Variants in AGAP1 observed in about 807,000 individuals in gnomAD.
AGAP1 encodes the protein arf-GAP with GTPase, ANK repeat and PH domain-containing protein 1.
In AGAP1, 29 loss-of-function variants were observed where a neutral mutation model predicts 105.3. The observed-to-expected ratio is 0.28, with a 90% CI of 0.21 to 0.38. AGAP1 has a LOEUF of 0.38. AGAP1 is among the 10% of genes least tolerant of loss of function. AGAP1 has a pLI of 1.00. For synonymous variants in AGAP1, 509 were observed against 485.9 expected (o/e 1.05, Z -0.63); for missense variants, 998 against 1,165.1 (o/e 0.86, Z 2.09).
intron 1 of AGAP1, among the ~76,000 whole-genome samples, chr2:235,528,857 A>G (rs1393481138): frequency 1.6e-5 from 2 of 125,888 alleles, no homozygotes; most frequent in East Asian, 2.4e-4. Context: ...TTGTATTTTT[A>G]GTACAGATGG....
rs1951108590 is a variant in AGAP1, at chr2:235,716,433, C to T, written c.223-1124C>T. ...CTAGTGGGCAGTTTCCTGGTAGCAACAGGGCCAGAGCTTCAGATAATTTGA... is the reference window on the plus strand; with the variant it reads ...CTAGTGGGCAGTTTCCTGGTAGCAATAGGGCCAGAGCTTCAGATAATTTGA... On this transcript the variant is annotated intron_variant, in intron 2 of 17. Coordinates refer to ENST00000304032, the MANE Select transcript of AGAP1 (RefSeq NM_001037131.3). The surrounding 1 kb of genome is among the most constrained non-coding windows in gnomAD (Gnocchi z 4.0). 6.6e-6 allele frequency among the ~76,000 whole-genome samples: 1 copy of T among 152,054 alleles called. No individual in the cohort carries two copies. The highest frequency in any genetic ancestry group is 2.1e-4 in the South Asian group (1 of 4,822).
At chr2:235,722,122 G>C (rs781203082) in intron 3 of AGAP1, among the ~76,000 whole-genome samples, 44 of 152,350 alleles carry the variant, frequency 2.9e-4, no homozygotes, top group African/African-American at 7.0e-4. Flanking sequence ...TAAACCTCTT[G>C]TATAGACAGA....
At chr2:235,829,080 A>G (rs1179697109) in intron 9 of AGAP1, among the ~76,000 whole-genome samples, 1 of 152,214 alleles carries the variant, frequency 6.6e-6, no homozygotes, top group Admixed American at 6.5e-5. Flanking sequence ...GTAGATGGGC[A>G]CCAGTGACTG....
chr2:235,965,405 A>T lies in AGAP1; in HGVS notation c.1484-3057A>T, dbSNP rs2054349544. 6.6e-6 allele frequency among the ~76,000 whole-genome samples: 1 copy of T among 152,228 alleles called. No individual in the cohort carries two copies. Among genetic ancestry groups the T allele is most frequent in the African/African-American group, 2.4e-5 (1 of 41,466 alleles). ...GTCTTACGGGGGCGAAGGAAGGCACAGTGAAACAGTGTGCCGTTTTGAAGA... is the reference window on the plus strand; with the variant it reads ...GTCTTACGGGGGCGAAGGAAGGCACTGTGAAACAGTGTGCCGTTTTGAAGA... On this transcript the variant is annotated intron_variant, in intron 12 of 17. Transcript: ENST00000304032. This position sits in a 1 kb window ranked among gnomAD's most constrained non-coding sequence, Gnocchi z 5.8.
In AGAP1 at chr2:236,130,691, T is replaced by C. The variant is rs2060071129; in HGVS notation, c.*6569T>C. ...GTGCATGGAATCCTAATGGGCCTCA[T>C]GCAGACACTGGAAGCAGCCCAGCCC... On this transcript the variant is annotated 3_prime_UTR_variant, in exon 18 of 18. Transcript: ENST00000304032. The surrounding 1 kb of genome is among the most constrained non-coding windows in gnomAD (Gnocchi z 5.8). 1.3e-5 allele frequency: 2 copies of C among 152,350 alleles called. No individual in the cohort carries two copies. The highest frequency in any genetic ancestry group is 4.8e-5 in the African/African-American group (2 of 41,446). The allele number at this position is 152,350 out of a possible 1,614,324, so 9.4% of individuals were successfully genotyped here. A position where few individuals can be genotyped will look rare whatever the true frequency, so the allele number is the denominator to read the frequency against.
rs999541847 is a variant in AGAP1 at position 235,625,369 on chromosome 2, A to G, written c.164-83810A>G. On this transcript the variant is annotated intron_variant, in intron 1 of 17. Transcript: ENST00000304032. The surrounding 1 kb of genome is among the most constrained non-coding windows in gnomAD (Gnocchi z 4.0). The stretch of plus-strand genomic sequence containing the variant: ...GCGCATGTGGACAGTTTGAAAGCCT[A>G]GCTGAGGCAGCTGGAAGAAATTCAT... Among the ~76,000 whole-genome samples the G allele has an allele frequency of 2.0e-5, 3 of 152,218 alleles. No individual in the cohort carries two copies. Among genetic ancestry groups the G allele is most frequent in the African/African-American group, 4.8e-5 (2 of 41,468 alleles).
In AGAP1 at chr2:236,130,673, G is replaced by A. The variant is rs549677968; in HGVS notation, c.*6551G>A. On this transcript the variant is annotated 3_prime_UTR_variant, in exon 18 of 18. Coordinates refer to ENST00000304032, the MANE Select transcript of AGAP1 (RefSeq NM_001037131.3). This position sits in a 1 kb window ranked among gnomAD's most constrained non-coding sequence, Gnocchi z 5.8. ...TGAGGAAGGACAGTCCAGGTGCATG[G>A]AATCCTAATGGGCCTCATGCAGACA... 1.3e-5 allele frequency: 2 copies of A among 152,460 alleles called. No homozygotes were observed. Among genetic ancestry groups the A allele is most frequent in the South Asian group, 2.1e-4 (1 of 4,826 alleles). The allele number at this position is 152,460 out of a possible 1,614,324, so 9.4% of individuals were successfully genotyped here.
At chr2:236,103,678 T>G (rs2059415501) in intron 16 of AGAP1, among the ~76,000 whole-genome samples, 2 of 152,012 alleles carry the variant, frequency 1.3e-5, no homozygotes, top group South Asian at 4.2e-4. Context: ...CAAGCAGTTC[T>G]CCTGCCTCAG....
chr2:235,642,155 G>A lies in AGAP1; in HGVS notation c.164-67024G>A, dbSNP rs919007512. Among the ~76,000 whole-genome samples, 4 of 152,154 alleles carry A rather than the reference G, an allele frequency of 2.6e-5. No homozygotes were observed. The highest frequency in any genetic ancestry group is 7.2e-5 in the African/African-American group (3 of 41,432). On this transcript the variant is annotated intron_variant, in intron 1 of 17. Coordinates refer to ENST00000304032, the MANE Select transcript of AGAP1 (RefSeq NM_001037131.3). The surrounding 1 kb of genome is among the most constrained non-coding windows in gnomAD (Gnocchi z 4.1). ...AGGGTGCCCATCCACGGAGTGCGGC[G>A]CCTGCTCGACTTGGCCTTCTGGCAC... is the stretch of plus-strand genomic sequence containing the variant.
chr2:235,998,196 G>T (rs1030561847), intron 13 of AGAP1, among the ~76,000 whole-genome samples: 3 of 152,158 alleles, frequency 2.0e-5, no homozygotes, highest in Non-Finnish European at 4.4e-5. Flanking sequence ...TCTGGCCGAG[G>T]TACAATTAAC....
At chr2:235,613,063 G>A (rs1246759642) in intron 1 of AGAP1, among the ~76,000 whole-genome samples, 5 of 148,424 alleles carry the variant, frequency 3.4e-5, no homozygotes, top group South Asian at 2.1e-4. Flanking sequence ...TCACGCTGTC[G>A]CCCAGGCTGG....
chr2:236,080,751 G>A lies in AGAP1; in HGVS notation c.2114+31470G>A, dbSNP rs1429191835. ...CATTCCTTCTAGAGGCTGTGAGAGAGTCCATGCCCCTGTCTGTTCCAGCTT... is the reference window on the plus strand; with the variant it reads ...CATTCCTTCTAGAGGCTGTGAGAGAATCCATGCCCCTGTCTGTTCCAGCTT... On this transcript the variant is annotated intron_variant, in intron 16 of 17. Coordinates refer to ENST00000304032, the MANE Select transcript of AGAP1 (RefSeq NM_001037131.3). The surrounding 1 kb of genome is among the most constrained non-coding windows in gnomAD (Gnocchi z 4.2). Among the ~76,000 whole-genome samples, 2 of 152,144 alleles carry A rather than the reference G, an allele frequency of 1.3e-5. No individual in the cohort carries two copies. The highest frequency in any genetic ancestry group is 2.9e-5 in the Non-Finnish European group (2 of 68,020).
chr2:236,094,078 T>C (rs537965263), intron 16 of AGAP1, among the ~76,000 whole-genome samples: 1 of 152,238 alleles, frequency 6.6e-6, no homozygotes, highest in South Asian at 2.1e-4. Flanking sequence ...TGCATGTCAC[T>C]GTGGTTGCTA....
Position 235,787,195 on chromosome 2 carries a change from G to A in AGAP1, c.674-10564G>A, listed in dbSNP as rs745984293. ...TGTAAGAGTTGAGCTAGCAGGGGCCGCCTCTACCCTTGGCTGCTGCTTCCA... is the reference window on the plus strand; with the variant it reads ...TGTAAGAGTTGAGCTAGCAGGGGCCACCTCTACCCTTGGCTGCTGCTTCCA... On this transcript the variant is annotated intron_variant, in intron 6 of 17. Coordinates refer to ENST00000304032, the MANE Select transcript of AGAP1 (RefSeq NM_001037131.3). This position sits in a 1 kb window ranked among gnomAD's most constrained non-coding sequence, Gnocchi z 4.4. Among the ~76,000 whole-genome samples the A allele has an allele frequency of 1.3e-5, 2 of 152,196 alleles. No homozygotes were observed. The highest frequency in any genetic ancestry group is 2.9e-5 in the Non-Finnish European group (2 of 68,032).
rs1007619350 is a variant in AGAP1, at chr2:235,659,125, G to A, written c.164-50054G>A. 6.6e-6 allele frequency among the ~76,000 whole-genome samples: 1 copy of A among 152,206 alleles called. No homozygotes were observed. On this transcript the variant is annotated intron_variant, in intron 1 of 17. Coordinates refer to ENST00000304032, the MANE Select transcript of AGAP1 (RefSeq NM_001037131.3). This position sits in a 1 kb window ranked among gnomAD's most constrained non-coding sequence, Gnocchi z 5.0. Reference sequence around the variant, plus strand: ...CTGGGCTTGCCCTGGGGAAGGCCCTGGAGCTGGATTCCCACACCCTGCCGA... The same window carrying A: ...CTGGGCTTGCCCTGGGGAAGGCCCTAGAGCTGGATTCCCACACCCTGCCGA...
chr2:235,871,382 C>T (rs1030759634), intron 9 of AGAP1, among the ~76,000 whole-genome samples: 1 of 152,190 alleles, frequency 6.6e-6, no homozygotes, highest in Non-Finnish European at 1.5e-5. Context: ...TGCAGGCTCA[C>T]GAGGCACTCT....
At chr2:235,581,198 T>C (rs912713740) in intron 1 of AGAP1, among the ~76,000 whole-genome samples, 5 of 149,072 alleles carry the variant, frequency 3.4e-5, no homozygotes, top group African/African-American at 1.2e-4. Flanking sequence ...TCCCAGCTAC[T>C]TGGGAGGCTG....
rs187236275 is a variant in AGAP1, at chr2:235,732,243, C to T, written c.311-8720C>T. The stretch of plus-strand genomic sequence containing the variant: ...GGTCCGTTTGTCAATGAACTTCTCT[C>T]TTAAATACTTTACCTCTGTCTTTTT... On this transcript the variant is annotated intron_variant, in intron 3 of 17. Coordinates refer to ENST00000304032, the MANE Select transcript of AGAP1 (RefSeq NM_001037131.3). The surrounding 1 kb of genome is among the most constrained non-coding windows in gnomAD (Gnocchi z 4.8). Among the ~76,000 whole-genome samples, 10 of 152,336 alleles carry T rather than the reference C, an allele frequency of 6.6e-5. No homozygotes were observed. The highest frequency in any genetic ancestry group is 2.6e-4 in the Admixed American group (4 of 15,288).
chr2:235,931,395 A>T lies in AGAP1; in HGVS notation c.1483+472A>T, dbSNP rs892540522. 5.9e-5 allele frequency among the ~76,000 whole-genome samples: 9 copies of T among 152,134 alleles called. No homozygotes were observed. Among genetic ancestry groups the T allele is most frequent in the Non-Finnish European group, 1.0e-4 (7 of 68,028 alleles). On this transcript the variant is annotated intron_variant, in intron 12 of 17. Transcript: ENST00000304032. This position sits in a 1 kb window ranked among gnomAD's most constrained non-coding sequence, Gnocchi z 5.6. ...TCCTGGTGTACCCTCTAAATTCTGG[A>T]GTCCCCTTTGTAATCCTTCAGTTTT...
Sources: gnomAD v4.1 joint callset for allele counts (sites outside exome capture counted in the v4.1 genomes callset) on GRCh38, gnomAD v4.1.1 for gene constraint, Gnocchi (gnomAD v3.1) non-coding constraint, MANE v1.5 for transcripts, NCBI Gene and HGNC (gene_info 2026-07-23, HGNC 2026-07-21) for gene names.